Variants in CCDC30 observed in about 807,000 individuals in gnomAD.
CCDC30 encodes the protein coiled-coil domain-containing protein 30.
CCDC30 carries 70 observed loss-of-function variants against 100.2 expected under a neutral mutation model. The ratio of observed to expected loss-of-function variants is 0.70; its 90% CI spans 0.58 to 0.85. The LOEUF (loss-of-function observed/expected upper bound fraction) is 0.85. Among genes scored for constraint, CCDC30 ranks in the 40% least tolerant of loss-of-function variants. CCDC30 has a pLI of 0.00. For synonymous variants in CCDC30, 233 were observed against 269.5 expected (o/e 0.86, Z 1.33); for missense variants, 652 against 771.2 (o/e 0.85, Z 1.83).
At position 42,481,576 on chromosome 1, in the gene CCDC30, C is replaced by CA. The variant is rs11312516; in HGVS notation, c.15+1033dup. Among the ~76,000 whole-genome samples the CA allele has an allele frequency of 2.1e-3, 231 of 110,496 alleles. 3 individuals are homozygous for CA. The highest frequency in any genetic ancestry group is 5.1e-3 in the Middle Eastern group (1 of 196). The allele number at this position is 110,496 out of a possible 152,430, so 72.5% of individuals were successfully genotyped here. ...TGGGCGACAGAGCAAAACCCTGTCT[C>CA]AAAAAAAAAAAAAAAAAAAAAAATC... On this transcript the variant is annotated intron_variant, in intron 2 of 16. Transcript: ENST00000668663.
exon 8 of CCDC30, chr1:42,577,172 C>T: frequency 1.2e-6 from 2 of 1,614,082 alleles, no homozygotes; most frequent in African/African-American, 1.3e-5. Flanking sequence ...AATCACAGAA[C>T]AACCTACAGG....
Position 42,515,931 on chromosome 1 carries a change from C to T in CCDC30, c.456+17015C>T, listed in dbSNP as rs1017781778. The stretch of plus-strand genomic sequence containing the variant: ...AATCATATTGCATTGAATGTATATA[C>T]CACATTTTGCTGATCTATTTGTCTG... On this transcript the variant is annotated intron_variant, in intron 6 of 16. Coordinates refer to ENST00000668663, the Ensembl canonical transcript of CCDC30. Among the ~76,000 whole-genome samples, 3 of 152,142 alleles carry T rather than the reference C, an allele frequency of 2.0e-5. No homozygotes were observed. In the South Asian group the frequency reaches 6.2e-4, roughly 31 times the overall value.
At chr1:42,656,388 T>G (rs1297059861), downstream of CCDC30, among the ~76,000 whole-genome samples, 1 of 152,178 alleles carries the variant, frequency 6.6e-6, no homozygotes, top group Non-Finnish European at 1.5e-5. Flanking sequence ...CCCAGCATTT[T>G]GGGAGGCCGA....
intron 1 of CCDC30, chr1:42,473,613 T>C (rs1396646477): frequency 2.7e-5 from 7 of 255,880 alleles, no homozygotes; most frequent in Non-Finnish European, 3.7e-5. Context: ...ACTCTTTTTT[T>C]TGAAGGCTTG....
intron 6 of CCDC30, chr1:42,500,176 T>G (rs1644287535): frequency 6.8e-7 from 1 of 1,463,854 alleles, no homozygotes; most frequent in Non-Finnish European, 9.6e-7. Flanking sequence ...TTGTGGAACG[T>G]ACAGTGCATA....
At chr1:42,495,456 T>A (rs1644217354) in intron 4 of CCDC30, among the ~76,000 whole-genome samples, 1 of 151,720 alleles carries the variant, frequency 6.6e-6, no homozygotes, top group Non-Finnish European at 1.5e-5. Context: ...TGTATACATA[T>A]GTAACTAACC....
chr1:42,547,785 G>T (rs1270717107), intron 6 of CCDC30, among the ~76,000 whole-genome samples: 1 of 152,036 alleles, frequency 6.6e-6, no homozygotes, highest in Non-Finnish European at 1.5e-5. Context: ...ACCACATTTG[G>T]CAAGACATTG....
At chr1:42,515,082 G>A (rs968499434) in intron 6 of CCDC30, among the ~76,000 whole-genome samples, 7 of 152,084 alleles carry the variant, frequency 4.6e-5, no homozygotes, top group African/African-American at 1.7e-4. Context: ...GTTAATTAGG[G>A]TGGGCCTTAA....
At chr1:42,473,172 C>A in intron 1 of CCDC30, 1 of 1,230,776 alleles carries the variant, frequency 8.1e-7, no homozygotes, top group Non-Finnish European at 1.0e-6. Context: ...AAGAAGAAAT[C>A]AATCCCCTTG....
intron 6 of CCDC30, among the ~76,000 whole-genome samples, chr1:42,514,184 T>G (rs562489434): frequency 5.1e-4 from 78 of 152,360 alleles, no homozygotes; most frequent in African/African-American, 1.8e-3. Flanking sequence ...GTGATTATTA[T>G]GAATAATTCT....
intron 5 of CCDC30, among the ~76,000 whole-genome samples, chr1:42,498,290 C>T (rs752421323): frequency 1.1e-4 from 16 of 152,000 alleles, no homozygotes; most frequent in African/African-American, 1.7e-4. Context: ...GAGGGAGTAA[C>T]GGGAGTTATT....
chr1:42,527,539 T>C (rs1274190988), intron 6 of CCDC30, among the ~76,000 whole-genome samples: 1 of 152,218 alleles, frequency 6.6e-6, no homozygotes, highest in Non-Finnish European at 1.5e-5. Context: ...TGAGTAAACA[T>C]ACAAACAAAT....
chr1:42,456,188 C>T, the CCDC30 span: 3 of 627,768 alleles, frequency 4.8e-6, no homozygotes, highest in Non-Finnish European at 8.6e-6. Flanking sequence ...GAAAAAGCAG[C>T]ACAAAACCCA....
chr1:42,482,088 C>T (rs1176412744), intron 2 of CCDC30, among the ~76,000 whole-genome samples: 2 of 151,870 alleles, frequency 1.3e-5, no homozygotes, highest in African/African-American at 2.4e-5. Flanking sequence ...CGTGGTGGTG[C>T]GTGCCTAAAA....
intron 11 of CCDC30, among the ~76,000 whole-genome samples, chr1:42,635,457 G>T (rs1647133528): frequency 6.6e-6 from 1 of 152,138 alleles, no homozygotes; most frequent in South Asian, 2.1e-4. Flanking sequence ...AAGTTTTTGT[G>T]TGGACATATG....
intron 13 of CCDC30, among the ~76,000 whole-genome samples, chr1:42,643,226 C>T (rs370415027): frequency 2.0e-5 from 3 of 152,256 alleles, no homozygotes; most frequent in Admixed American, 6.5e-5. Flanking sequence ...GACACCAATC[C>T]CAGGAGAGAG....
the CCDC30 span, chr1:42,457,179 A>G: frequency 2.5e-6 from 4 of 1,605,308 alleles, no homozygotes; most frequent in East Asian, 8.9e-5. Context: ...GGGGAACCCG[A>G]GTTGAGAAGG....
chr1:42,500,316 A>G (rs963081096), intron 6 of CCDC30: 6 of 1,609,462 alleles, frequency 3.7e-6, no homozygotes, highest in Non-Finnish European at 5.1e-6. Flanking sequence ...TCTCCATCTC[A>G]GCCATATCGG....
At chr1:42,533,107 G>A (rs1644832770) in intron 6 of CCDC30, among the ~76,000 whole-genome samples, 1 of 152,202 alleles carries the variant, frequency 6.6e-6, no homozygotes, top group Non-Finnish European at 1.5e-5. Context: ...TTTCCCCACT[G>A]GGTGGGGTTG....
Sources: gnomAD v4.1 joint callset for allele counts (sites outside exome capture counted in the v4.1 genomes callset) on GRCh38, gnomAD v4.1.1 for gene constraint, MANE v1.5 for transcripts, NCBI Gene and HGNC (gene_info 2026-07-23, HGNC 2026-07-21) for gene names.